Variants in B3GALT1 observed in about 807,000 individuals in gnomAD.
B3GALT1 encodes UDP-Gal:betaGlcNAc beta 1,3-galactosyltransferase, polypeptide 1.
Under a neutral mutation model 23.2 loss-of-function variants are expected in B3GALT1, and 10 were observed. The ratio of observed to expected loss-of-function variants is 0.43; its 90% CI spans 0.27 to 0.73. B3GALT1 has a LOEUF of 0.73. Among genes scored for constraint, B3GALT1 ranks in the 30% least tolerant of loss-of-function variants. The probability of loss-of-function intolerance (pLI) is 0.21; values close to 1 mark genes in which losing one functional copy is unlikely to be tolerated. For synonymous variants in B3GALT1, 156 were observed against 141.5 expected (o/e 1.10, Z -0.73); for missense variants, 299 against 405.4 (o/e 0.74, Z 2.25).
At chr2:167,314,152 AT>A (rs1033590778) in intron 1 of B3GALT1, among the ~76,000 whole-genome samples, 1 of 152,106 alleles carries the variant, frequency 6.6e-6, no homozygotes, top group Admixed American at 6.6e-5. Context: ...GTATATATAA[AT>A]GCTGCTTGGC....
rs576688585 is a variant in B3GALT1 at position 167,858,309 on chromosome 2, C to T, written c.-229-10502C>T. Among the ~76,000 whole-genome samples the T allele has an allele frequency of 2.7e-4, 40 of 148,844 alleles. No individual in the cohort carries two copies. In the South Asian group the frequency reaches 2.8e-3, roughly 10 times the overall value. On this transcript the variant is annotated intron_variant, in intron 4 of 4. Coordinates refer to ENST00000392690, the MANE Select transcript of B3GALT1 (RefSeq NM_020981.4). ...TTATGAAAACGGTCAACTGGAGGTG[C>T]CAAGTTTTTGTTTTTCTTTTGAACA...
chr2:167,608,699 A>T (rs1275614581), intron 2 of B3GALT1, among the ~76,000 whole-genome samples: 1 of 152,222 alleles, frequency 6.6e-6, no homozygotes, highest in Non-Finnish European at 1.5e-5. Context: ...CACTGTTGAC[A>T]TGATGGAAAA....
intron 3 of B3GALT1, among the ~76,000 whole-genome samples, chr2:167,750,328 C>G (rs570734927): frequency 1.3e-5 from 2 of 151,926 alleles, no homozygotes; most frequent in African/African-American, 2.4e-5. Flanking sequence ...GTAAATAGAC[C>G]GTAAGGAAAA....
intron 1 of B3GALT1, among the ~76,000 whole-genome samples, chr2:167,426,696 G>A (rs1428251677): frequency 6.6e-6 from 1 of 152,150 alleles, no homozygotes; most frequent in East Asian, 1.9e-4. Context: ...TGCAAATAAT[G>A]GCCTATGTAA....
intron 3 of B3GALT1, among the ~76,000 whole-genome samples, chr2:167,703,331 C>T (rs1227573422): frequency 6.6e-6 from 1 of 152,114 alleles, no homozygotes; most frequent in Non-Finnish European, 1.5e-5. Flanking sequence ...CATTAGATGC[C>T]TAGAAGGTAT....
At chr2:167,587,168 T>G (rs1412216510) in intron 2 of B3GALT1, among the ~76,000 whole-genome samples, 2 of 152,210 alleles carry the variant, frequency 1.3e-5, no homozygotes, top group African/African-American at 4.8e-5. Context: ...CTATATACTG[T>G]GCTGGACCAG....
intron 3 of B3GALT1, among the ~76,000 whole-genome samples, chr2:167,803,107 C>T (rs1185001323): frequency 6.6e-6 from 1 of 151,184 alleles, no homozygotes; most frequent in African/African-American, 2.5e-5. Context: ...CACACACACA[C>T]ACACACACAC....
chr2:167,551,277 A>G lies in B3GALT1; in HGVS notation c.-410+61000A>G, dbSNP rs186459939. 3.2e-4 allele frequency among the ~76,000 whole-genome samples: 48 copies of G among 152,318 alleles called. 1 individual carries two copies. Among genetic ancestry groups the G allele is most frequent in the African/African-American group, 9.4e-4 (39 of 41,574 alleles). ...GAAGGTAGTTGTGTTTTCAGTGTAA[A>G]TAAAAAGGTGAAGATAAATAAGCAA... On this transcript the variant is annotated intron_variant, in intron 2 of 4. Coordinates refer to ENST00000392690, the MANE Select transcript of B3GALT1 (RefSeq NM_020981.4).
Position 167,458,511 on chromosome 2 carries a change from T to C in B3GALT1, c.-510-31666T>C, listed in dbSNP as rs1436235381. Among the ~76,000 whole-genome samples the C allele has an allele frequency of 1.3e-5, 2 of 152,208 alleles. 1 individual carries two copies. The highest frequency in any genetic ancestry group is 6.3e-3 in the Middle Eastern group (2 of 316). ...GCTGGATCATATAGTAATTCTATTTTTAATTTTTTGAGAAACTTCTCTACT... is the reference window on the plus strand; with the variant it reads ...GCTGGATCATATAGTAATTCTATTTCTAATTTTTTGAGAAACTTCTCTACT... On this transcript the variant is annotated intron_variant, in intron 1 of 4. Transcript: ENST00000392690.
chr2:167,609,835 C>G (rs1481925209), intron 2 of B3GALT1, among the ~76,000 whole-genome samples: 1 of 151,994 alleles, frequency 6.6e-6, no homozygotes, highest in Non-Finnish European at 1.5e-5. Context: ...TACCAACCAC[C>G]ATGTTTACCA....
chr2:167,714,893 T>C, intron 3 of B3GALT1: 4 of 1,610,240 alleles, frequency 2.5e-6, no homozygotes, highest in Middle Eastern at 2.2e-4. Flanking sequence ...CATTTCATTT[T>C]CTTGATATAG....
chr2:167,559,633 A>T (rs181251446), intron 2 of B3GALT1, among the ~76,000 whole-genome samples: 1 of 152,248 alleles, frequency 6.6e-6, no homozygotes, highest in African/African-American at 2.4e-5. Flanking sequence ...GCTGAAAGCC[A>T]AGGCTCGAGA....
chr2:167,701,571 AT>A (rs535498191), intron 3 of B3GALT1, among the ~76,000 whole-genome samples: 563 of 152,176 alleles, frequency 3.7e-3, no homozygotes, highest in Non-Finnish European at 5.6e-3. Context: ...CTTGCACCTG[AT>A]TTTTTTCCCC....
chr2:167,545,432 G>T (rs1683619680), intron 2 of B3GALT1, among the ~76,000 whole-genome samples: 1 of 152,010 alleles, frequency 6.6e-6, no homozygotes, highest in African/African-American at 2.4e-5. Context: ...TTGTGGGTTG[G>T]TGGGCCTCAC....
intron 2 of B3GALT1, among the ~76,000 whole-genome samples, chr2:167,623,518 C>T (rs766486660): frequency 4.6e-5 from 7 of 152,130 alleles, no homozygotes; most frequent in Admixed American, 1.3e-4. Context: ...AACCAAACAC[C>T]GCATATTCTC....
intron 3 of B3GALT1, among the ~76,000 whole-genome samples, chr2:167,656,679 A>G (rs1243240632): frequency 1.3e-5 from 2 of 152,196 alleles, no homozygotes; most frequent in Non-Finnish European, 2.9e-5. Context: ...GAAAGTTGTG[A>G]CTTACACTGG....
intron 3 of B3GALT1, among the ~76,000 whole-genome samples, chr2:167,796,626 G>A (rs112918718): frequency 2.6e-5 from 4 of 152,042 alleles, no homozygotes; most frequent in Admixed American, 1.3e-4. Flanking sequence ...GTGCTTGCCT[G>A]TAATCCCAGC....
At chr2:167,748,203 C>T (rs1022467619) in intron 3 of B3GALT1, among the ~76,000 whole-genome samples, 1 of 151,998 alleles carries the variant, frequency 6.6e-6, no homozygotes, top group Non-Finnish European at 1.5e-5. Context: ...GAGTGTTAAA[C>T]AATGCTTGAT....
chr2:167,557,872 A>G (rs929258302), intron 2 of B3GALT1, among the ~76,000 whole-genome samples: 1 of 152,208 alleles, frequency 6.6e-6, no homozygotes, highest in Non-Finnish European at 1.5e-5. Flanking sequence ...CATCACTTAT[A>G]TAGTAGTTTT....
Sources: gnomAD v4.1 joint callset for allele counts (sites outside exome capture counted in the v4.1 genomes callset) on GRCh38, gnomAD v4.1.1 for gene constraint, MANE v1.5 for transcripts, NCBI Gene and HGNC (gene_info 2026-07-23, HGNC 2026-07-21) for gene names.